The following SLC71A2 variants were observed in gnomAD, a reference collection of about 807,000 sequenced individuals.
SLC71A2 encodes hippocampus abundant transcript-like 1.
the SLC71A2 span, among the ~76,000 whole-genome samples, chr9:94,452,650 TATATATTC>T: frequency 1.5e-4 from 16 of 109,386 alleles, no homozygotes; most frequent in African/African-American, 3.7e-4. Context: ...TATATATTCA[TATATATTC>T]ATATATATTC....
the SLC71A2 span, among the ~76,000 whole-genome samples, chr9:94,419,343 G>A: frequency 1.4e-5 from 2 of 147,000 alleles, no homozygotes; most frequent in South Asian, 4.3e-4. Context: ...TGCCCAGGCT[G>A]GAGTGCAGTG....
the SLC71A2 span, among the ~76,000 whole-genome samples, chr9:94,391,948 G>A: frequency 6.6e-6 from 1 of 152,082 alleles, no homozygotes; most frequent in Admixed American, 6.6e-5. Flanking sequence ...GAACCCCTGG[G>A]CTCCAATGAT....
At chr9:94,426,773 T>A in the SLC71A2 span, among the ~76,000 whole-genome samples, 1 of 152,236 alleles carries the variant, frequency 6.6e-6, no homozygotes, top group Non-Finnish European at 1.5e-5. Flanking sequence ...ATTTTATGTT[T>A]ACTGTAGTCC....
the SLC71A2 span, among the ~76,000 whole-genome samples, chr9:94,428,783 A>T: frequency 6.6e-6 from 1 of 151,812 alleles, no homozygotes; most frequent in Non-Finnish European, 1.5e-5. Flanking sequence ...CATACAAAGC[A>T]TTTTCATTGC....
the SLC71A2 span, among the ~76,000 whole-genome samples, chr9:94,399,697 C>T: frequency 1.3e-5 from 2 of 152,150 alleles, no homozygotes; most frequent in African/African-American, 4.8e-5. Flanking sequence ...CAACTTTCAA[C>T]TATAGCATAA....
At chr9:94,426,713 AT>A in the SLC71A2 span, among the ~76,000 whole-genome samples, 1 of 151,860 alleles carries the variant, frequency 6.6e-6, no homozygotes, top group Admixed American at 6.6e-5. Context: ...AGCAAGTGTC[AT>A]TTTTTTCTTT....
chr9:94,460,067 A>G, the SLC71A2 span: 1 of 152,442 alleles, frequency 6.6e-6, no homozygotes, highest in Non-Finnish European at 1.5e-5. Flanking sequence ...GATGAAAGAA[A>G]TTTTCATTAC....
chr9:94,428,149 G>A, the SLC71A2 span, among the ~76,000 whole-genome samples: 2 of 151,074 alleles, frequency 1.3e-5, no homozygotes, highest in East Asian at 1.9e-4. Flanking sequence ...GACATGATCC[G>A]ATAAGCATTT....
At chr9:94,439,368 A>C in the SLC71A2 span, among the ~76,000 whole-genome samples, 1 of 150,440 alleles carries the variant, frequency 6.6e-6, no homozygotes. Flanking sequence ...ACCAAAGCCC[A>C]TTTAGTTACC....
the SLC71A2 span, among the ~76,000 whole-genome samples, chr9:94,383,963 A>G: frequency 1.3e-5 from 2 of 152,360 alleles, no homozygotes; most frequent in South Asian, 4.1e-4. Context: ...GCCAGCATAT[A>G]GAAATACGGT....
At chr9:94,445,331 G>A in the SLC71A2 span, 2 of 642,950 alleles carry the variant, frequency 3.1e-6, no homozygotes, top group Admixed American at 5.9e-5. Flanking sequence ...GTAAGGGATT[G>A]AGTTAGTCTT....
the SLC71A2 span, among the ~76,000 whole-genome samples, chr9:94,395,843 TAAGC>T: frequency 1.3e-5 from 2 of 152,298 alleles, no homozygotes; most frequent in Non-Finnish European, 2.9e-5. Flanking sequence ...ATGGTCAGCT[TAAGC>T]ATGCAGTTAA....
chr9:94,428,496 A>G, the SLC71A2 span, among the ~76,000 whole-genome samples: 1 of 149,850 alleles, frequency 6.7e-6, no homozygotes, highest in African/African-American at 2.5e-5. Context: ...CCGTTTTTTA[A>G]AGACTTAATT....
chr9:94,439,022 G>GCTTTTTT, the SLC71A2 span, among the ~76,000 whole-genome samples: 1 of 115,688 alleles, frequency 8.6e-6, no homozygotes, highest in African/African-American at 3.3e-5. Flanking sequence ...ATTTGAGTTC[G>GCTTTTTT]TTTTTTTTTT....
chr9:94,436,947 C>A, the SLC71A2 span, among the ~76,000 whole-genome samples: 1 of 152,182 alleles, frequency 6.6e-6, no homozygotes, highest in South Asian at 2.1e-4. Flanking sequence ...AATTTTGAAT[C>A]CAGTAGAGAA....
the SLC71A2 span, chr9:94,438,434 G>A: frequency 6.2e-7 from 1 of 1,614,022 alleles, no homozygotes; most frequent in Non-Finnish European, 8.5e-7. Flanking sequence ...CCCACTCATT[G>A]GTGCCCTGTC....
chr9:94,384,279 T>C, the SLC71A2 span, among the ~76,000 whole-genome samples: 1 of 152,300 alleles, frequency 6.6e-6, no homozygotes, highest in African/African-American at 2.4e-5. Flanking sequence ...GATTGACTTA[T>C]TTCATCTTGC....
the SLC71A2 span, among the ~76,000 whole-genome samples, chr9:94,398,416 T>G: frequency 6.6e-6 from 1 of 152,112 alleles, no homozygotes; most frequent in Non-Finnish European, 1.5e-5. Context: ...CTTATATACC[T>G]TCTAAGTTAT....
the SLC71A2 span, among the ~76,000 whole-genome samples, chr9:94,437,241 A>T: frequency 7.1e-6 from 1 of 141,252 alleles, no homozygotes; most frequent in African/African-American, 2.7e-5. Flanking sequence ...AATTTTTAAG[A>T]TGTATCATGA....
Sources: allele counts gnomAD v4.1 joint callset (sites outside exome capture counted in the v4.1 genomes callset), GRCh38; gene constraint gnomAD v4.1.1; transcripts MANE v1.5; gene names NCBI Gene and HGNC (gene_info 2026-07-23, HGNC 2026-07-21).